The following ZNF804B variants were observed in gnomAD, a reference collection of about 807,000 sequenced individuals.
The protein encoded by ZNF804B is zinc finger protein 804B.
In ZNF804B, 80 loss-of-function variants were observed where a neutral mutation model predicts 101.4. That is an observed-to-expected ratio of 0.79 (90% CI 0.66 to 0.95). The LOEUF (loss-of-function observed/expected upper bound fraction) is 0.95. ZNF804B is among the 40% of genes least tolerant of loss of function. The pLI, the probability that ZNF804B is intolerant of heterozygous loss-of-function variation, is 0.00. For missense variants in ZNF804B, 1,673 were observed against 1,561.9 expected (o/e 1.07, Z -1.20); for synonymous variants, 622 against 558.8 (o/e 1.11, Z -1.59).
intron 1 of ZNF804B, among the ~76,000 whole-genome samples, chr7:88,836,383 A>G (rs973613633): frequency 2.6e-5 from 4 of 151,926 alleles, no homozygotes; most frequent in African/African-American, 9.7e-5. Flanking sequence ...TCTGGAAAAG[A>G]TGTGAAAGGC....
At chr7:89,328,210 A>G (rs1790926335) in intron 3 of ZNF804B, among the ~76,000 whole-genome samples, 2 of 151,972 alleles carry the variant, frequency 1.3e-5, no homozygotes, top group Non-Finnish European at 2.9e-5. Flanking sequence ...GCTTAAATGG[A>G]AAGTAATATA....
chr7:89,154,046 A>G, intron 1 of ZNF804B, among the ~76,000 whole-genome samples: 1 of 130,670 alleles, frequency 7.7e-6, no homozygotes, highest in African/African-American at 2.8e-5. Flanking sequence ...GAAAAAATCT[A>G]ATAATCCAAT....
In ZNF804B at chr7:88,947,460, A is replaced by C. The variant is rs191044806; in HGVS notation, c.108+187376A>C. On this transcript the variant is annotated intron_variant, in intron 1 of 3. Transcript: ENST00000333190. ...TGTTCTCACTCATAAGTGGGAGTTG[A>C]ACAATGAGAACACGTGGACACAGGG... Among the ~76,000 whole-genome samples, 303 of 151,980 alleles carry C rather than the reference A, an allele frequency of 2.0e-3. 5 individuals carry two copies. The highest frequency in any genetic ancestry group is 0.018 in the Admixed American group (273 of 15,228).
intron 1 of ZNF804B, among the ~76,000 whole-genome samples, chr7:89,060,410 A>G (rs963798934): frequency 2.0e-5 from 3 of 152,178 alleles, no homozygotes; most frequent in East Asian, 3.9e-4. Flanking sequence ...ATAAAAGCTT[A>G]AAAGTGAATT....
intron 1 of ZNF804B, among the ~76,000 whole-genome samples, chr7:88,936,420 A>G (rs935491544): frequency 2.0e-5 from 3 of 152,050 alleles, no homozygotes; most frequent in Non-Finnish European, 4.4e-5. Context: ...GCATATAAAC[A>G]TGGGAGTCCT....
intron 1 of ZNF804B, among the ~76,000 whole-genome samples, chr7:88,939,435 G>A (rs1309412817): frequency 2.6e-5 from 4 of 151,850 alleles, no homozygotes; most frequent in African/African-American, 9.7e-5. Flanking sequence ...AGGGCCAACT[G>A]TATGAAAATA....
intron 1 of ZNF804B, among the ~76,000 whole-genome samples, chr7:89,143,148 G>A (rs542577286): frequency 1.7e-4 from 26 of 151,892 alleles, no homozygotes; most frequent in African/African-American, 6.0e-4. Flanking sequence ...CCCATAATTT[G>A]TTAAGAAAAG....
rs56693128 is a variant in ZNF804B, at chr7:89,103,048, G to GTTTTTTTTTTTTTTTTTTTTTTTTTTTT, written c.109-115099_109-115072dup. Among the ~76,000 whole-genome samples the GTTTTTTTTTTTTTTTTTTTTTTTTTTTT allele has an allele frequency of 5.9e-5, 2 of 33,750 alleles. 1 individual carries two copies. Among genetic ancestry groups the GTTTTTTTTTTTTTTTTTTTTTTTTTTTT allele is most frequent in the African/African-American group, 2.1e-4 (2 of 9,376 alleles). 22.1% of individuals were successfully genotyped at this position (33,750 alleles called of 152,430 possible). ...TTCTATTCCATTGACCTATGTGTCT[G>GTTTTTTTTTTTTTTTTTTTTTTTTTTTT]TTTTTTTTTTTTTTTTTTTTTTTTT... On this transcript the variant is annotated intron_variant, in intron 1 of 3. Coordinates refer to ENST00000333190, the MANE Select transcript of ZNF804B (RefSeq NM_181646.5).
chr7:89,151,331 T>C (rs1478834651), intron 1 of ZNF804B, among the ~76,000 whole-genome samples: 2 of 152,072 alleles, frequency 1.3e-5, no homozygotes, highest in Admixed American at 1.3e-4. Context: ...TTTGATGCCA[T>C]TTATATTTAT....
At chr7:89,307,475 C>T (rs1186820157) in intron 2 of ZNF804B, among the ~76,000 whole-genome samples, 2 of 151,804 alleles carry the variant, frequency 1.3e-5, no homozygotes, top group Non-Finnish European at 2.9e-5. Flanking sequence ...CTGAGAATGG[C>T]CAATATTGGA....
At chr7:89,146,440 T>C (rs978827898) in intron 1 of ZNF804B, among the ~76,000 whole-genome samples, 1 of 152,080 alleles carries the variant, frequency 6.6e-6, no homozygotes, top group Non-Finnish European at 1.5e-5. Flanking sequence ...ACAATGGATA[T>C]AATTGACAAG....
At chr7:89,057,189 A>G (rs1247682039) in intron 1 of ZNF804B, among the ~76,000 whole-genome samples, 1 of 152,136 alleles carries the variant, frequency 6.6e-6, no homozygotes, top group Non-Finnish European at 1.5e-5. Flanking sequence ...CAATTCTTAA[A>G]CAGTCTTATG....
chr7:89,053,972 A>T (rs1477617892), intron 1 of ZNF804B, among the ~76,000 whole-genome samples: 2 of 152,188 alleles, frequency 1.3e-5, no homozygotes, highest in Non-Finnish European at 2.9e-5. Flanking sequence ...CTATTCAATT[A>T]CAGTACTCAT....
intron 2 of ZNF804B, among the ~76,000 whole-genome samples, chr7:89,251,844 G>A (rs952427210): frequency 6.6e-5 from 10 of 152,070 alleles, no homozygotes; most frequent in African/African-American, 9.7e-5. Context: ...GGTGGGATAC[G>A]TGGCCAGCCA....
At position 89,152,253 on chromosome 7, in the gene ZNF804B, CT is replaced by C. The variant is rs71120063; in HGVS notation, c.109-65891del. 1.9e-3 allele frequency among the ~76,000 whole-genome samples: 268 copies of C among 144,682 alleles called. 1 individual carries two copies. The highest frequency in any genetic ancestry group is 5.2e-3 in the African/African-American group (208 of 39,734). The allele number at this position is 144,682 out of a possible 152,430, so 94.9% of individuals were successfully genotyped here. On this transcript the variant is annotated intron_variant, in intron 1 of 3. Transcript: ENST00000333190. ...GTTTCAGACTACTGCATGGTTTTTT[CT>C]TTTTTTTTTTGTATTTGTATACATT...
At chr7:89,239,110 G>A (rs921379015) in intron 2 of ZNF804B, among the ~76,000 whole-genome samples, 9 of 152,118 alleles carry the variant, frequency 5.9e-5, no homozygotes, top group African/African-American at 1.9e-4. Context: ...TGTAATGCTA[G>A]TTCAGGGAGC....
chr7:89,151,227 GAA>G (rs1270326438), intron 1 of ZNF804B, among the ~76,000 whole-genome samples: 1 of 151,968 alleles, frequency 6.6e-6, no homozygotes, highest in Non-Finnish European at 1.5e-5. Context: ...GCAATTTAAG[GAA>G]ACAAAATGTG....
intron 1 of ZNF804B, among the ~76,000 whole-genome samples, chr7:89,196,254 A>T (rs1325011376): frequency 1.3e-5 from 2 of 152,042 alleles, no homozygotes; most frequent in Non-Finnish European, 2.9e-5. Flanking sequence ...AAGGCCACAC[A>T]CTTAAAACCA....
intron 2 of ZNF804B, among the ~76,000 whole-genome samples, chr7:89,227,533 G>T (rs1443799659): frequency 1.3e-5 from 2 of 152,124 alleles, no homozygotes; most frequent in Non-Finnish European, 2.9e-5. Context: ...AAATATATAG[G>T]ATATCAGATG....
Sources: gnomAD v4.1 joint callset for allele counts (sites outside exome capture counted in the v4.1 genomes callset) on GRCh38, gnomAD v4.1.1 for gene constraint, MANE v1.5 for transcripts, NCBI Gene and HGNC (gene_info 2026-07-23, HGNC 2026-07-21) for gene names.